Variants in TBX15 observed in about 807,000 individuals in gnomAD.
TBX15 encodes T-box transcription factor TBX15.
In TBX15, 18 loss-of-function variants were observed where a neutral mutation model predicts 53.9. That is an observed-to-expected ratio of 0.33 (90% CI 0.23 to 0.49). The LOEUF is 0.49. Among genes scored for constraint, TBX15 ranks in the 20% least tolerant of loss-of-function variants. The pLI is 0.98. For missense variants in TBX15, 692 were observed against 749.5 expected (o/e 0.92, Z 0.90); for synonymous variants, 295 against 278.0 (o/e 1.06, Z -0.61).
intron 2 of TBX15, 102 bp from the exon 3 acceptor site, chr1:118,926,713 G>A: frequency 1.8e-6 from 2 of 1,081,188 alleles, no homozygotes; most frequent in East Asian, 5.2e-5. Flanking sequence ...TTGTTTTCTT[G>A]TTTGTTTTTT....
Position 118,884,625 on chromosome 1 carries a change from AC to A in TBX15, c.*106del. Reference sequence around the variant, plus strand: ...GGCCAGAAAAAAAAAAAAAAAAAAAACACGGTTCCTGTTTTTCAAAGACACT... The same window carrying A: ...GGCCAGAAAAAAAAAAAAAAAAAAAAACGGTTCCTGTTTTTCAAAGACACT... On this transcript the variant is annotated 3_prime_UTR_variant, in exon 8 of 8. Coordinates refer to ENST00000369429, the MANE Select transcript of TBX15 (RefSeq NM_001330677.2). 134 of 1,346,370 alleles carry A rather than the reference AC, an allele frequency of 1.0e-4. No homozygotes were observed. Among genetic ancestry groups the A allele is most frequent in the Middle Eastern group, 2.6e-4 (1 of 3,812 alleles). 83.4% of individuals were successfully genotyped at this position (1,346,370 alleles called of 1,614,324 possible). A position where few individuals can be genotyped will look rare whatever the true frequency, so the allele number is the denominator to read the frequency against.
intron 1 of TBX15, among the ~76,000 whole-genome samples, chr1:118,948,104 G>T (rs1390735505): frequency 1.3e-5 from 2 of 152,046 alleles, no homozygotes; most frequent in African/African-American, 2.4e-5. Flanking sequence ...CATCTCCCCA[G>T]TGGTGACTCA....
At chr1:118,901,347 T>C (rs1445461583) in intron 6 of TBX15, 2 of 456,440 alleles carry the variant, frequency 4.4e-6, no homozygotes, top group African/African-American at 4.0e-5. Context: ...CACACTCCTG[T>C]GTTAATTAGC....
chr1:118,918,526 C>T (rs982538553), intron 5 of TBX15, among the ~76,000 whole-genome samples: 5 of 152,204 alleles, frequency 3.3e-5, no homozygotes, highest in East Asian at 1.9e-4. Flanking sequence ...ATCTCCTGTG[C>T]GACTAAAACA....
chr1:118,987,809 A>G lies in TBX15; in HGVS notation c.-14T>C. The G allele has an allele frequency of 6.5e-7, 1 of 1,547,694 alleles. No individual in the cohort carries two copies. The highest frequency in any genetic ancestry group is 8.7e-7 in the Non-Finnish European group (1 of 1,146,186). On this transcript the variant is annotated 5_prime_UTR_variant, in exon 1 of 8. Transcript: ENST00000369429. ...CCTTTCACTCATTTTAGCCGCCCAC[A>G]CCCCTGCCTCCGCTTGCCCCCGCTA...
intron 6 of TBX15, among the ~76,000 whole-genome samples, chr1:118,904,858 T>C (rs1467436555): frequency 6.6e-6 from 1 of 152,206 alleles, no homozygotes; most frequent in African/African-American, 2.4e-5. Context: ...CTAGATTACC[T>C]GGCTTCAAAC....
chr1:118,984,405 T>C (rs992989875), intron 1 of TBX15, among the ~76,000 whole-genome samples: 1 of 152,202 alleles, frequency 6.6e-6, no homozygotes, highest in African/African-American at 2.4e-5. Context: ...TAGCAGAAGA[T>C]TTTGGCGGGA....
intron 6 of TBX15, among the ~76,000 whole-genome samples, chr1:118,902,803 C>T (rs115551315): frequency 0.011 from 1,665 of 152,218 alleles, 28 homozygotes; most frequent in African/African-American, 0.038. Context: ...CACCTATTAA[C>T]GTCTTCAGCC....
At chr1:118,894,030 C>T (rs1379989986) in intron 7 of TBX15, among the ~76,000 whole-genome samples, 1 of 152,090 alleles carries the variant, frequency 6.6e-6, no homozygotes, top group African/African-American at 2.4e-5. Flanking sequence ...GGGAATTTCC[C>T]CAAGGAAGTC....
chr1:118,920,664 T>C (rs574020797), intron 5 of TBX15, among the ~76,000 whole-genome samples: 90 of 152,268 alleles, frequency 5.9e-4, no homozygotes, highest in African/African-American at 2.1e-3. Context: ...GGCTTTACAA[T>C]GATGTATAGG....
intron 1 of TBX15, among the ~76,000 whole-genome samples, chr1:118,977,585 A>C (rs1657477979): frequency 6.6e-6 from 1 of 152,226 alleles, no homozygotes; most frequent in African/African-American, 2.4e-5. Flanking sequence ...TGTGGACATC[A>C]GATGACGGTG....
At chr1:118,983,393 G>C (rs1657709210) in intron 1 of TBX15, among the ~76,000 whole-genome samples, 2 of 152,152 alleles carry the variant, frequency 1.3e-5, no homozygotes, top group African/African-American at 4.8e-5. Context: ...GTTTTACATA[G>C]AATGTCTTCA....
At chr1:118,952,044 C>G (rs1201313549) in intron 1 of TBX15, among the ~76,000 whole-genome samples, 1 of 152,076 alleles carries the variant, frequency 6.6e-6, no homozygotes, top group African/African-American at 2.4e-5. Context: ...TTTGTCACCC[C>G]TGAGACAGCA....
At chr1:118,977,531 A>G (rs1051125316) in intron 1 of TBX15, among the ~76,000 whole-genome samples, 5 of 152,232 alleles carry the variant, frequency 3.3e-5, no homozygotes, top group African/African-American at 1.2e-4. Context: ...TAGTAAATCC[A>G]CAGGTTCCAT....
intron 2 of TBX15, among the ~76,000 whole-genome samples, chr1:118,930,196 T>C (rs1655734453): frequency 6.6e-6 from 1 of 152,226 alleles, no homozygotes; most frequent in Non-Finnish European, 1.5e-5. Context: ...TACACGTAGA[T>C]AAACTGGACC....
intron 1 of TBX15, among the ~76,000 whole-genome samples, chr1:118,940,149 G>A (rs1656124312): frequency 6.6e-6 from 1 of 151,844 alleles, no homozygotes; most frequent in South Asian, 2.1e-4. Context: ...TCAATCAGAA[G>A]GTAGCGCTAC....
At chr1:118,886,946 C>T (rs1185073920) in intron 7 of TBX15, among the ~76,000 whole-genome samples, 1 of 152,214 alleles carries the variant, frequency 6.6e-6, no homozygotes, top group Non-Finnish European at 1.5e-5. Flanking sequence ...CACCGACAGA[C>T]TGAGGACCAG....
chr1:118,987,748 A>C lies in TBX15; in HGVS notation c.48T>G (p.His16Gln). ...RSAVALSSRA[H>Q]AFSVEALIGS... is the part of the protein sequence containing the mutation. ...CGATCAAGGCTTCAACGGAGAAGGCATGTGCTCGCGAGCTCAGGGCGACTG... is the reference window on the plus strand; with the variant it reads ...CGATCAAGGCTTCAACGGAGAAGGCCTGTGCTCGCGAGCTCAGGGCGACTG... Residue 16 changes from histidine (H) to glutamine (Q), a missense_variant, in exon 1 of 8, where the codon CAT becomes CAG. Transcript: ENST00000369429. 2 of 1,550,322 alleles carry C rather than the reference A, an allele frequency of 1.3e-6. No individual in the cohort carries two copies. The highest frequency in any genetic ancestry group is 2.4e-5 in the South Asian group (2 of 84,066).
chr1:118,909,508 TG>T (rs141614379), intron 6 of TBX15, among the ~76,000 whole-genome samples: 2,158 of 152,336 alleles, frequency 0.014, 46 homozygotes, highest in African/African-American at 0.05. Flanking sequence ...GAGAAAGGGA[TG>T]GGGCTGGAAG....
Sources: gnomAD v4.1 joint callset for allele counts (sites outside exome capture counted in the v4.1 genomes callset) on GRCh38, gnomAD v4.1.1 for gene constraint, MANE v1.5 for transcripts, NCBI Gene and HGNC (gene_info 2026-07-23, HGNC 2026-07-21) for gene names.